Variants in C12orf42 observed in about 807,000 individuals in gnomAD.
C12orf42 encodes the protein chromosome 12 open reading frame 42.
A neutral mutation model predicts 21.6 loss-of-function variants in C12orf42; 25 were observed. The observed-to-expected ratio is 1.16, with a 90% confidence interval of 0.84 to 1.62. The LOEUF (loss-of-function observed/expected upper bound fraction) is 1.62, where lower values mean the gene tolerates loss of function less well. C12orf42 is among the 40% of genes most tolerant of loss of function. The pLI is 0.00. For synonymous variants in C12orf42, 174 were observed against 175.0 expected, an observed-to-expected ratio of 0.99 and a Z score of 0.05; for missense variants, 483 against 459.3, an observed-to-expected ratio of 1.05 and a Z score of -0.47.
chr12:103,514,693 T>A, the C12orf42 span, among the ~76,000 whole-genome samples: 1 of 152,186 alleles, frequency 6.6e-6, no homozygotes, highest in Non-Finnish European at 1.5e-5. Flanking sequence ...CTGGGTATTG[T>A]CTGGGGGCAA....
chr12:103,189,895 A>G, the C12orf42 span, among the ~76,000 whole-genome samples: 30 of 152,216 alleles, frequency 2.0e-4, no homozygotes, highest in African/African-American at 7.0e-4. Flanking sequence ...ATCAAGGTCC[A>G]GTGTGAATGG....
At chr12:103,200,605 T>C in the C12orf42 span, among the ~76,000 whole-genome samples, 1 of 152,200 alleles carries the variant, frequency 6.6e-6, no homozygotes, top group African/African-American at 2.4e-5. Context: ...CATCAAGTTG[T>C]ACACATTAAT....
intron 10 of C12orf42, among the ~76,000 whole-genome samples, chr12:103,245,287 TATTAAGCTCTCTTG>T (rs1228271926): frequency 1.3e-5 from 2 of 152,074 alleles, no homozygotes; most frequent in East Asian, 3.9e-4. Flanking sequence ...TGGGCAAGAT[TATTAAGCTCTCTTG>T]GTTCCAGTTC....
At chr12:103,550,791 T>A in the C12orf42 span, 1 of 152,144 alleles carries the variant, frequency 6.6e-6, no homozygotes, top group African/African-American at 2.4e-5. Context: ...TTGTAAATTA[T>A]ATGTATCTTG....
At chr12:103,473,161 T>C (rs1287766833) in intron 2 of C12orf42, among the ~76,000 whole-genome samples, 1 of 152,200 alleles carries the variant, frequency 6.6e-6, no homozygotes, top group Non-Finnish European at 1.5e-5. Flanking sequence ...ATTTCTTTGA[T>C]TAATACAGTA....
chr12:103,276,653 T>C (rs75264590), intron 5 of C12orf42, among the ~76,000 whole-genome samples: 2,057 of 152,310 alleles, frequency 0.014, 42 homozygotes, highest in African/African-American at 0.041. Flanking sequence ...ATGGGGTAAG[T>C]AAAGGTGACC....
At chr12:103,204,985 A>G in the C12orf42 span, among the ~76,000 whole-genome samples, 1 of 152,216 alleles carries the variant, frequency 6.6e-6, no homozygotes, top group Non-Finnish European at 1.5e-5. Context: ...ATCTTAACAA[A>G]TAACAAATAT....
intron 10 of C12orf42, among the ~76,000 whole-genome samples, chr12:103,250,302 C>G (rs931497741): frequency 6.6e-6 from 1 of 152,010 alleles, no homozygotes; most frequent in African/African-American, 2.4e-5. Context: ...TTTCTCTCTT[C>G]CATGTTGGCT....
At chr12:103,216,882 G>T in the C12orf42 span, among the ~76,000 whole-genome samples, 89 of 151,236 alleles carry the variant, frequency 5.9e-4, no homozygotes, top group Non-Finnish European at 1.3e-4. Context: ...CCGCTCTGTG[G>T]CCCAGGCTGG....
At position 103,287,575 on chromosome 12, in the gene C12orf42, GGGATAGCATTA is replaced by G. The variant is rs2036548100; in HGVS notation, n.338-10376_338-10366del. ...TGTTGTGGGGTGGGGAGAGGGGGAA[GGGATAGCATTA>G]GGTGATATACCTAATGCTAAATGAC... On this transcript the variant is annotated intron_variant and non_coding_transcript_variant, in intron 4 of 6. Transcript: ENST00000546526. Among the ~76,000 whole-genome samples the G allele has an allele frequency of 3.3e-5, 5 of 152,002 alleles. No homozygotes were observed. In the South Asian group the frequency reaches 1.0e-3, roughly 31 times the overall value.
At chr12:103,340,867 A>T (rs1322979154) in intron 4 of C12orf42, among the ~76,000 whole-genome samples, 1 of 152,218 alleles carries the variant, frequency 6.6e-6, no homozygotes, top group African/African-American at 2.4e-5. Flanking sequence ...TAATCCCAGC[A>T]CTTTGGGAGG....
chr12:103,402,756 T>C (rs1312899163), intron 2 of C12orf42, among the ~76,000 whole-genome samples: 1 of 152,032 alleles, frequency 6.6e-6, no homozygotes, highest in African/African-American at 2.4e-5. Context: ...TGGACAAAAA[T>C]GGAAGAAGAA....
upstream of C12orf42, among the ~76,000 whole-genome samples, chr12:103,497,781 C>T (rs1363406592): frequency 1.3e-5 from 2 of 152,078 alleles, no homozygotes; most frequent in Admixed American, 6.6e-5. Flanking sequence ...CCTATAATTC[C>T]AACATTTTGG....
At chr12:103,286,258 AAAT>A (rs2136334894) in intron 4 of C12orf42, among the ~76,000 whole-genome samples, 1 of 88,750 alleles carries the variant, frequency 1.1e-5, no homozygotes, top group Admixed American at 1.1e-4. Flanking sequence ...CTCAAAAAAT[AAAT>A]AAATAAATAA....
intron 2 of C12orf42, among the ~76,000 whole-genome samples, chr12:103,432,663 C>G (rs1439153544): frequency 1.3e-5 from 2 of 152,204 alleles, no homozygotes; most frequent in Non-Finnish European, 2.9e-5. Flanking sequence ...TAGGTTGTGA[C>G]TACTTAGAGA....
chr12:103,358,993 G>A (rs945895630), intron 4 of C12orf42, among the ~76,000 whole-genome samples: 8 of 152,008 alleles, frequency 5.3e-5, no homozygotes, highest in Non-Finnish European at 1.0e-4. Flanking sequence ...GACCCTACTT[G>A]ACTCTTAATC....
At chr12:103,433,663 A>G (rs902941437) in intron 2 of C12orf42, among the ~76,000 whole-genome samples, 5 of 152,358 alleles carry the variant, frequency 3.3e-5, no homozygotes, top group African/African-American at 1.2e-4. Context: ...AAAGAGTGGT[A>G]TGGGTTGAAG....
At chr12:103,105,795 A>G in the C12orf42 span, among the ~76,000 whole-genome samples, 1 of 152,066 alleles carries the variant, frequency 6.6e-6, no homozygotes, top group Non-Finnish European at 1.5e-5. Context: ...GAGAAAAATA[A>G]TGACCTGGAG....
chr12:103,203,126 G>C, the C12orf42 span, among the ~76,000 whole-genome samples: 1 of 152,116 alleles, frequency 6.6e-6, no homozygotes, highest in Non-Finnish European at 1.5e-5. Flanking sequence ...GAATACCAGG[G>C]ATATGGAGAC....
Sources: gnomAD v4.1 joint callset for allele counts (sites outside exome capture counted in the v4.1 genomes callset) on GRCh38, gnomAD v4.1.1 for gene constraint, MANE v1.5 for transcripts, NCBI Gene and HGNC (gene_info 2026-07-23, HGNC 2026-07-21) for gene names.